PTPN13: variants seen among roughly 807,000 people sequenced by gnomAD.
PTPN13 encodes the protein protein tyrosine phosphatase non-receptor type 13, also known as tyrosine-protein phosphatase non-receptor type 13.
PTPN13 carries 191 observed loss-of-function variants against 284.0 expected under a neutral mutation model. The ratio of observed to expected loss-of-function variants is 0.67; its 90% CI spans 0.60 to 0.76. The LOEUF (loss-of-function observed/expected upper bound fraction) is 0.76, where lower values mean the gene tolerates loss of function less well. Among genes scored for constraint, PTPN13 ranks in the 30% least tolerant of loss-of-function variants. PTPN13 has a pLI of 0.00. For synonymous variants in PTPN13, 986 were observed against 1,022.3 expected (o/e 0.96, Z 0.68); for missense variants, 2,797 against 2,939.9 (o/e 0.95, Z 1.12).
intron 15 of PTPN13, among the ~76,000 whole-genome samples, chr4:86,739,342 A>C (rs1397163271): frequency 6.6e-6 from 1 of 152,206 alleles, no homozygotes; most frequent in Non-Finnish European, 1.5e-5. Flanking sequence ...AATTTACAAA[A>C]GAAACAGGTT....
At chr4:86,638,624 A>T (rs1332195164) in intron 2 of PTPN13, among the ~76,000 whole-genome samples, 1 of 152,240 alleles carries the variant, frequency 6.6e-6, no homozygotes, top group Non-Finnish European at 1.5e-5. Flanking sequence ...CTGGCTAGCC[A>T]TATGTAGAAA....
intron 16 of PTPN13, among the ~76,000 whole-genome samples, 193 bp from the exon 17 acceptor site, chr4:86,744,773 A>G (rs1736539289): frequency 1.3e-5 from 2 of 152,214 alleles, no homozygotes; most frequent in South Asian, 4.1e-4. Flanking sequence ...GTTTAAGTAC[A>G]CTTCAGGATG....
intron 2 of PTPN13, among the ~76,000 whole-genome samples, chr4:86,656,608 G>A (rs964548992): frequency 6.6e-6 from 1 of 152,150 alleles, no homozygotes; most frequent in African/African-American, 2.4e-5. Flanking sequence ...AGGAGTACCC[G>A]GCTGTGTGAG....
rs758702377 is a variant in PTPN13 at position 86,750,528 on chromosome 4, G to A, written c.2709G>A (p.Met903Ile). ...LQAESVRGFNMGRAISTGSLA... is the reference protein window; with the variant it reads ...LQAESVRGFNIGRAISTGSLA... ...CAGAGTCTGTTAGAGGATTTAATATGGGACGAGCAATCAGCACTGGCAGTC... is the reference window on the plus strand; with the variant it reads ...CAGAGTCTGTTAGAGGATTTAATATAGGACGAGCAATCAGCACTGGCAGTC... Residue 903 changes from methionine (M) to isoleucine (I), a missense_variant, in exon 18 of 48, where the codon ATG becomes ATA. Met to Ile is a conservative substitution (Grantham distance 10). Transcript: ENST00000411767. 31 of 1,613,810 alleles carry A rather than the reference G, an allele frequency of 1.9e-5. No homozygotes were observed. The highest frequency in any genetic ancestry group is 2.5e-5 in the Non-Finnish European group (29 of 1,179,870).
chr4:86,623,059 C>G (rs1211510962), intron 1 of PTPN13, among the ~76,000 whole-genome samples: 1 of 152,076 alleles, frequency 6.6e-6, no homozygotes, highest in Non-Finnish European at 1.5e-5. Flanking sequence ...CTGATCACTT[C>G]CCACCTGTCC....
intron 7 of PTPN13, among the ~76,000 whole-genome samples, chr4:86,716,272 T>A (rs1733004933): frequency 6.6e-6 from 1 of 152,190 alleles, no homozygotes. Context: ...ATGGGGAGAT[T>A]AAATTACTTT....
intron 23 of PTPN13, among the ~76,000 whole-genome samples, chr4:86,761,169 T>TATATATATATAA (rs1188928906): frequency 3.4e-4 from 49 of 145,096 alleles, no homozygotes; most frequent in African/African-American, 1.1e-3. Flanking sequence ...TATATATATA[T>TATATATATATAA]AAACACAACA....
chr4:86,672,162 T>A (rs1314438241), intron 2 of PTPN13, among the ~76,000 whole-genome samples: 4 of 152,216 alleles, frequency 2.6e-5, no homozygotes, highest in African/African-American at 9.6e-5. Context: ...ATCAAGGCAT[T>A]GTTGTTAATA....
rs1300181875 is a variant in PTPN13, at chr4:86,765,465, A to T, written c.4220A>T (p.Glu1407Val). ...VKAVIPQGAA[E>V]SDGRIHKGDR... ...GCTGTTATTCCCCAGGGAGCAGCAGAGTCTGATGGTAGAATTCACAAAGGT... is the reference window on the plus strand; with the variant it reads ...GCTGTTATTCCCCAGGGAGCAGCAGTGTCTGATGGTAGAATTCACAAAGGT... Residue 1407 changes from glutamate (E) to valine (V), a missense_variant, in exon 26 of 48, where the codon GAG becomes GTG. Coordinates refer to ENST00000411767, the MANE Select transcript of PTPN13 (RefSeq NM_080683.3). 2.5e-6 allele frequency: 4 copies of T among 1,592,610 alleles called. No individual in the cohort carries two copies. The highest frequency in any genetic ancestry group is 3.4e-6 in the Non-Finnish European group (4 of 1,168,514).
intron 10 of PTPN13, among the ~76,000 whole-genome samples, chr4:86,724,606 T>C (rs1734028730): frequency 6.6e-6 from 1 of 152,192 alleles, no homozygotes; most frequent in African/African-American, 2.4e-5. Context: ...CTACCTAGTA[T>C]TTTTTCTGAA....
chr4:86,772,034 A>G (rs1740053588), intron 31 of PTPN13, among the ~76,000 whole-genome samples: 1 of 152,220 alleles, frequency 6.6e-6, no homozygotes, highest in South Asian at 2.1e-4. Flanking sequence ...ATGTCTTTGT[A>G]TCTATCCACA....
intron 6 of PTPN13, among the ~76,000 whole-genome samples, chr4:86,697,530 G>T (rs1321490861): frequency 1.3e-5 from 2 of 152,068 alleles, no homozygotes; most frequent in African/African-American, 4.8e-5. Context: ...ACCCTACTTT[G>T]TTACCTAATA....
At chr4:86,775,729 A>G in intron 35 of PTPN13, 77 bp downstream of exon 35, 1 of 1,123,974 alleles carries the variant, frequency 8.9e-7, no homozygotes, top group Non-Finnish European at 1.3e-6. Context: ...TCATTCTCTG[A>G]AAATATATTA....
At chr4:86,620,330 T>G (rs1039802802) in intron 1 of PTPN13, among the ~76,000 whole-genome samples, 1 of 152,092 alleles carries the variant, frequency 6.6e-6, no homozygotes, top group Non-Finnish European at 1.5e-5. Flanking sequence ...CATAGCCAGC[T>G]AATTTTTGTA....
chr4:86,619,436 T>G (rs1720968085), intron 1 of PTPN13, among the ~76,000 whole-genome samples: 1 of 152,182 alleles, frequency 6.6e-6, no homozygotes, highest in Non-Finnish European at 1.5e-5. Context: ...TTGAAATATT[T>G]TATACATTTC....
chr4:86,648,393 G>C (rs940561822), intron 2 of PTPN13, among the ~76,000 whole-genome samples: 3 of 151,854 alleles, frequency 2.0e-5, no homozygotes, highest in East Asian at 1.9e-4. Flanking sequence ...ATCTTTCCCA[G>C]CTTCTAGTAA....
chr4:86,674,879 G>A (rs985816040), intron 3 of PTPN13, among the ~76,000 whole-genome samples: 1 of 152,112 alleles, frequency 6.6e-6, no homozygotes, highest in Non-Finnish European at 1.5e-5. Context: ...CAGTCATTCT[G>A]TACATTGTAC....
intron 5 of PTPN13, chr4:86,689,659 A>G (rs1206686300): frequency 1.4e-6 from 1 of 702,350 alleles, no homozygotes; most frequent in East Asian, 2.7e-5. Context: ...TCTTCTCGGA[A>G]CACTGCTACC....
At chr4:86,612,621 G>T (rs1354921720) in intron 1 of PTPN13, among the ~76,000 whole-genome samples, 2 of 152,004 alleles carry the variant, frequency 1.3e-5, no homozygotes, top group African/African-American at 4.8e-5. Flanking sequence ...TTACACCAAG[G>T]CACATTATAT....
Sources: allele counts gnomAD v4.1 joint callset (sites outside exome capture counted in the v4.1 genomes callset), GRCh38; gene constraint gnomAD v4.1.1; transcripts MANE v1.5; gene names NCBI Gene and HGNC (gene_info 2026-07-23, HGNC 2026-07-21).